The following BAIAP2L1 variants were observed in gnomAD, a reference collection of about 807,000 sequenced individuals.
BAIAP2L1 encodes BAR/IMD domain containing adaptor protein 2 like 1.
BAIAP2L1 carries 35 observed loss-of-function variants against 66.3 expected under a neutral mutation model. That is an observed-to-expected ratio of 0.53 (90% CI 0.40 to 0.70). BAIAP2L1 has a LOEUF of 0.70. Ranked by LOEUF, BAIAP2L1 falls within the 30% of genes least tolerant of loss-of-function variation. The pLI, the probability that BAIAP2L1 is intolerant of heterozygous loss-of-function variation, is 0.00. For synonymous variants in BAIAP2L1, 269 were observed against 248.7 expected (o/e 1.08, Z -0.77); for missense variants, 622 against 656.9 (o/e 0.95, Z 0.58).
chr7:98,372,726 G>A (rs185554516), intron 1 of BAIAP2L1, among the ~76,000 whole-genome samples: 26 of 140,172 alleles, frequency 1.9e-4, no homozygotes, highest in Non-Finnish European at 3.0e-4. Flanking sequence ...TGTCAAGATC[G>A]ATTTTGGTTT....
At chr7:98,350,085 T>G (rs1357388112) in intron 3 of BAIAP2L1, among the ~76,000 whole-genome samples, 1 of 151,488 alleles carries the variant, frequency 6.6e-6, no homozygotes, top group Non-Finnish European at 1.5e-5. Flanking sequence ...CAGCCCGGGT[T>G]TCAAGGTAAG....
intron 1 of BAIAP2L1, among the ~76,000 whole-genome samples, chr7:98,381,938 T>TG (rs1802770145): frequency 6.6e-6 from 1 of 151,184 alleles, no homozygotes; most frequent in Non-Finnish European, 1.5e-5. Flanking sequence ...GTTTTTTTTT[T>TG]TTTTTGAGAT....
chr7:98,391,063 C>T (rs1396522763), intron 1 of BAIAP2L1, among the ~76,000 whole-genome samples: 2 of 150,330 alleles, frequency 1.3e-5, no homozygotes, highest in African/African-American at 2.4e-5. Flanking sequence ...AGGATGGTCT[C>T]GATCTCTTGA....
At chr7:98,328,429 C>T (rs1365517287) in intron 3 of BAIAP2L1, among the ~76,000 whole-genome samples, 2 of 152,194 alleles carry the variant, frequency 1.3e-5, no homozygotes. Flanking sequence ...TCTGCAGTAT[C>T]TCTTGGAGCT....
intron 9 of BAIAP2L1, chr7:98,308,300 T>C: frequency 2.2e-6 from 1 of 463,104 alleles, no homozygotes; most frequent in African/African-American, 2.0e-5. Context: ...CAAACCCAAC[T>C]GCCAATGTCC....
intron 3 of BAIAP2L1, among the ~76,000 whole-genome samples, chr7:98,343,246 A>ACAC (rs1403965347): frequency 5.8e-5 from 5 of 85,574 alleles, no homozygotes; most frequent in African/African-American, 2.3e-4. Context: ...GGAAAAAAAA[A>ACAC]ATACACACAC....
chr7:98,322,083 G>A (rs1287779547), intron 3 of BAIAP2L1, among the ~76,000 whole-genome samples: 4 of 152,050 alleles, frequency 2.6e-5, no homozygotes, highest in Non-Finnish European at 5.9e-5. Context: ...GTGACAGAGT[G>A]AGACCCTGTC....
intron 11 of BAIAP2L1, among the ~76,000 whole-genome samples, chr7:98,306,012 G>A (rs996237597): frequency 6.6e-6 from 1 of 152,170 alleles, no homozygotes; most frequent in Non-Finnish European, 1.5e-5. Context: ...GGGGTGCAAA[G>A]AGCTGGTGAG....
intron 3 of BAIAP2L1, among the ~76,000 whole-genome samples, chr7:98,350,510 T>C (rs1801977128): frequency 6.6e-6 from 1 of 151,864 alleles, no homozygotes; most frequent in Non-Finnish European, 1.5e-5. Context: ...AATACAAAAA[T>C]TAGCTGGGCG....
chr7:98,400,954 G>A lies in BAIAP2L1; in HGVS notation c.-102C>T. 1 of 1,118,194 alleles carries A rather than the reference G, an allele frequency of 8.9e-7. No individual in the cohort carries two copies. The highest frequency in any genetic ancestry group is 2.5e-5 in the South Asian group (1 of 39,936). 69.3% of individuals were successfully genotyped at this position (1,118,194 alleles called of 1,614,324 possible). ...GGCCGGGGCGCGACTAAGGGGCTCT[G>A]GAGGGTCGGCCGCCGCCGCAGCCGT... On this transcript the variant is annotated 5_prime_UTR_variant, in exon 1 of 14. Transcript: ENST00000005260.
intron 12 of BAIAP2L1, among the ~76,000 whole-genome samples, chr7:98,294,450 G>A (rs959395804): frequency 6.6e-6 from 1 of 152,204 alleles, no homozygotes; most frequent in South Asian, 2.1e-4. Context: ...GGCCCTCCCA[G>A]GTGTCAGAGC....
intron 1 of BAIAP2L1, among the ~76,000 whole-genome samples, chr7:98,373,106 C>T (rs1044899992): frequency 3.3e-5 from 5 of 152,124 alleles, no homozygotes; most frequent in Non-Finnish European, 5.9e-5. Context: ...AGCTGCTGTT[C>T]CTGGACTAAC....
chr7:98,292,559 C>T lies in BAIAP2L1; in HGVS notation c.*962G>A, dbSNP rs190551647. ...AGCCCCGGGCTCAGGGCAGCCAGTG[C>T]GTAGTCCTCACATCCATACCATAGG... On this transcript the variant is annotated 3_prime_UTR_variant, in exon 14 of 14. Transcript: ENST00000005260. 22 of 1,361,658 alleles carry T rather than the reference C, an allele frequency of 1.6e-5. No homozygotes were observed. The highest frequency in any genetic ancestry group is 1.8e-4 in the Middle Eastern group (1 of 5,500). The allele number at this position is 1,361,658 out of a possible 1,614,324, so 84.3% of individuals were successfully genotyped here.
intron 12 of BAIAP2L1, 132 bp downstream of exon 12, chr7:98,304,064 C>T: frequency 1.0e-6 from 1 of 952,384 alleles, no homozygotes; most frequent in Non-Finnish European, 1.5e-6. Context: ...AAGTCCCCTC[C>T]TCCCTCCTCC....
rs370070669 is a variant in BAIAP2L1 at position 98,304,183 on chromosome 7, C to T, written c.1422+13G>A. On this transcript the variant is annotated intron_variant, in intron 12 of 13. Transcript: ENST00000005260. Reference sequence around the variant, plus strand: ...GTCCAGGACCCAGGACGCCCTGCTGCGGCTTTACTCACAGGAGCCGCGGTC... The same window carrying T: ...GTCCAGGACCCAGGACGCCCTGCTGTGGCTTTACTCACAGGAGCCGCGGTC... 1.2e-5 allele frequency: 19 copies of T among 1,563,604 alleles called. No homozygotes were observed. The highest frequency in any genetic ancestry group is 1.1e-4 in the African/African-American group (8 of 73,718).
chr7:98,362,248 A>T, intron 2 of BAIAP2L1, 109 bp downstream of exon 2: 2 of 807,988 alleles, frequency 2.5e-6, no homozygotes, highest in Non-Finnish European at 3.9e-6. Context: ...CATTGTGAAC[A>T]ATTTTTAACC....
chr7:98,398,057 A>G (rs1311923249), intron 1 of BAIAP2L1, among the ~76,000 whole-genome samples: 3 of 152,160 alleles, frequency 2.0e-5, no homozygotes, highest in African/African-American at 4.8e-5. Context: ...CCTTTATTTC[A>G]TAATTGGAGA....
chr7:98,395,191 G>A (rs1490430935), intron 1 of BAIAP2L1, among the ~76,000 whole-genome samples: 1 of 151,656 alleles, frequency 6.6e-6, no homozygotes, highest in Non-Finnish European at 1.5e-5. Context: ...TGTAAGCCCA[G>A]AACTTTGGGA....
At chr7:98,307,959 A>G in intron 9 of BAIAP2L1, 63 bp from the exon 10 acceptor site, 1 of 1,476,824 alleles carries the variant, frequency 6.8e-7, no homozygotes, top group Admixed American at 1.7e-5. Flanking sequence ...GCACATTCCA[A>G]TGAGCAAACC....
Sources: gnomAD v4.1 joint callset for allele counts (sites outside exome capture counted in the v4.1 genomes callset) on GRCh38, gnomAD v4.1.1 for gene constraint, MANE v1.5 for transcripts, NCBI Gene and HGNC (gene_info 2026-07-23, HGNC 2026-07-21) for gene names.